The following PPARGC1A variants were observed in gnomAD, a reference collection of about 807,000 sequenced individuals.
PPARGC1A encodes PPARG coactivator 1 alpha.
A neutral mutation model predicts 88.7 loss-of-function variants in PPARGC1A; 25 were observed. The ratio of observed to expected loss-of-function variants is 0.28; its 90% CI spans 0.21 to 0.39. The LOEUF is 0.39. PPARGC1A is among the 10% of genes least tolerant of loss of function. The probability of loss-of-function intolerance (pLI) is 1.00; values close to 1 mark genes in which losing one functional copy is unlikely to be tolerated. For synonymous variants in PPARGC1A, 363 were observed against 355.6 expected (o/e 1.02, Z -0.24); for missense variants, 880 against 968.7 (o/e 0.91, Z 1.22).
chr4:24,237,492 G>C, the PPARGC1A span, among the ~76,000 whole-genome samples: 1 of 152,130 alleles, frequency 6.6e-6, no homozygotes, highest in Non-Finnish European at 1.5e-5. Context: ...TTTAGGGAAA[G>C]TTGATATATA....
At chr4:24,373,622 T>C in the PPARGC1A span, among the ~76,000 whole-genome samples, 2 of 152,170 alleles carry the variant, frequency 1.3e-5, no homozygotes, top group Non-Finnish European at 2.9e-5. Context: ...GTTATACAAA[T>C]TTATAAACGA....
At chr4:24,295,656 TTG>T in the PPARGC1A span, among the ~76,000 whole-genome samples, 33 of 150,728 alleles carry the variant, frequency 2.2e-4, no homozygotes, top group African/African-American at 6.8e-4. Flanking sequence ...TCATAGTTTT[TTG>T]TGTTATATAT....
the PPARGC1A span, among the ~76,000 whole-genome samples, chr4:24,264,109 T>C: frequency 0.018 from 2,700 of 152,262 alleles, 92 homozygotes; most frequent in African/African-American, 0.061. Flanking sequence ...GAATAAAGTA[T>C]AGAATACTTA....
the PPARGC1A span, among the ~76,000 whole-genome samples, chr4:24,147,831 C>A: frequency 1.3e-5 from 2 of 152,162 alleles, no homozygotes; most frequent in Admixed American, 1.3e-4. Flanking sequence ...GTAGTCCCAG[C>A]TACATGGGAG....
chr4:23,825,901 A>G (rs1444062961), intron 5 of PPARGC1A, among the ~76,000 whole-genome samples: 2 of 152,186 alleles, frequency 1.3e-5, no homozygotes, highest in Admixed American at 6.5e-5. Context: ...AAAAGAATCC[A>G]TTTATGAAGA....
At chr4:24,414,229 G>A in the PPARGC1A span, among the ~76,000 whole-genome samples, 1 of 152,134 alleles carries the variant, frequency 6.6e-6, no homozygotes, top group Non-Finnish European at 1.5e-5. Context: ...ATTACAAAGC[G>A]ATTTCATGTA....
At chr4:24,330,521 G>A in the PPARGC1A span, among the ~76,000 whole-genome samples, 1 of 152,132 alleles carries the variant, frequency 6.6e-6, no homozygotes, top group African/African-American at 2.4e-5. Flanking sequence ...CCAGCCCAGT[G>A]GAGCCTTCAG....
chr4:24,193,117 C>G, the PPARGC1A span, among the ~76,000 whole-genome samples: 1 of 152,206 alleles, frequency 6.6e-6, no homozygotes, highest in Non-Finnish European at 1.5e-5. Flanking sequence ...TAACTTTTCT[C>G]ACAAATATCA....
chr4:23,899,083 A>AC (rs35314800), intron 1 of PPARGC1A, among the ~76,000 whole-genome samples: 10,087 of 151,094 alleles, frequency 0.067, 501 homozygotes, highest in Admixed American at 0.13. Flanking sequence ...CTGATGATCC[A>AC]CCCCCCCCCG....
At chr4:23,911,902 A>G in the PPARGC1A span, among the ~76,000 whole-genome samples, 29 of 152,298 alleles carry the variant, frequency 1.9e-4, no homozygotes, top group African/African-American at 6.7e-4. Context: ...CACCTTGTGT[A>G]ACTGAAACTA....
At chr4:24,391,926 C>T in the PPARGC1A span, among the ~76,000 whole-genome samples, 1 of 152,108 alleles carries the variant, frequency 6.6e-6, no homozygotes, top group African/African-American at 2.4e-5. Flanking sequence ...TAAAGATCAG[C>T]CAACCACAGG....
At chr4:24,183,625 C>G in the PPARGC1A span, among the ~76,000 whole-genome samples, 5 of 152,274 alleles carry the variant, frequency 3.3e-5, no homozygotes, top group South Asian at 4.1e-4. Flanking sequence ...AGACTTGCAG[C>G]AAGTGGGACA....
the PPARGC1A span, among the ~76,000 whole-genome samples, chr4:24,144,679 C>G: frequency 6.6e-6 from 1 of 151,988 alleles, no homozygotes; most frequent in African/African-American, 2.4e-5. Context: ...TCTCGCCCCA[C>G]TAGCCTTGCC....
At position 23,801,753 on chromosome 4, in the gene PPARGC1A, A is replaced by C. The variant is rs1210242609; in HGVS notation, c.2270T>G (p.Phe757Cys). The C allele has an allele frequency of 6.2e-7, 1 of 1,614,028 alleles. No homozygotes were observed. Among genetic ancestry groups the C allele is most frequent in the South Asian group, 1.1e-5 (1 of 91,082 alleles). Residue 757 changes from phenylalanine (F) to cysteine (C), a missense_variant, in exon 12 of 13, where the codon TTC becomes TGC. By Grantham distance (205) the Phe-to-Cys change is radical. Coordinates refer to ENST00000264867, the MANE Select transcript of PPARGC1A (RefSeq NM_013261.5). ...ACCTAGGTCTGCATAGTTAGACTTG[A>C]AAAATTGCTTGCGTCCACAAAAGTA... ...ELYFCGRKQF[F>C]KSNYADLDSN...
At chr4:24,246,301 C>T in the PPARGC1A span, among the ~76,000 whole-genome samples, 8 of 152,256 alleles carry the variant, frequency 5.3e-5, no homozygotes, top group South Asian at 1.7e-3. Flanking sequence ...TGTGCTGTTT[C>T]TCATTCAGAT....
the PPARGC1A span, among the ~76,000 whole-genome samples, chr4:24,055,521 A>C: frequency 1.3e-4 from 20 of 152,374 alleles, no homozygotes; most frequent in African/African-American, 4.6e-4. Context: ...TTTATGTATA[A>C]GAACCCATTT....
At chr4:23,892,936 C>T (rs964438283), upstream of PPARGC1A, among the ~76,000 whole-genome samples, 4 of 152,170 alleles carry the variant, frequency 2.6e-5, no homozygotes, top group South Asian at 8.3e-4. Context: ...GCTTAAAACA[C>T]ACCCTGGTGA....
intron 2 of PPARGC1A, chr4:23,881,253 T>C (rs1715874313): frequency 6.6e-6 from 1 of 152,216 alleles, no homozygotes; most frequent in Non-Finnish European, 1.5e-5. Flanking sequence ...TGGAGGCTGT[T>C]ACCTCTGAGC....
the PPARGC1A span, among the ~76,000 whole-genome samples, chr4:23,988,412 A>C: frequency 3.9e-5 from 6 of 152,062 alleles, no homozygotes. Flanking sequence ...ACAGTGTAAA[A>C]GTGTTCCTAT....
Sources: allele counts gnomAD v4.1 joint callset (sites outside exome capture counted in the v4.1 genomes callset), GRCh38; gene constraint gnomAD v4.1.1; transcripts MANE v1.5; gene names NCBI Gene and HGNC (gene_info 2026-07-23, HGNC 2026-07-21).